Variants in VAV3 observed in about 807,000 individuals in gnomAD.
VAV3 encodes the protein vav guanine nucleotide exchange factor 3.
Under a neutral mutation model 131.2 loss-of-function variants are expected in VAV3, and 94 were observed. That is an observed-to-expected ratio of 0.72 (90% confidence interval 0.61 to 0.85). VAV3 has a LOEUF of 0.85. VAV3 is among the 40% of genes least tolerant of loss of function. VAV3 has a pLI of 0.00. For synonymous variants in VAV3, 349 were observed against 342.0 expected (o/e 1.02, Z -0.22); for missense variants, 939 against 1,002.7 (o/e 0.94, Z 0.86).
At chr1:107,947,842 T>C (rs1165459836) in intron 1 of VAV3, among the ~76,000 whole-genome samples, 1 of 152,198 alleles carries the variant, frequency 6.6e-6, no homozygotes, top group Non-Finnish European at 1.5e-5. Context: ...CAATGACCAT[T>C]CATGGGAGCA....
intron 17 of VAV3, among the ~76,000 whole-genome samples, chr1:107,703,244 G>T (rs1286197046): frequency 2.0e-5 from 3 of 152,012 alleles, no homozygotes; most frequent in Admixed American, 2.0e-4. Context: ...ATTCTATTGG[G>T]GTGGCAATTA....
rs72977603 is a variant in VAV3 at position 107,684,133 on chromosome 1, T to C, written c.1732-600A>G. ...ATGAATTCTTATTATAGAAAATGAA[T>C]CTGTAAGAAAACAACTTTGCATTAC... On this transcript the variant is annotated intron_variant, in intron 18 of 26. Transcript: ENST00000370056. Among the ~76,000 whole-genome samples, 611 of 152,288 alleles carry C rather than the reference T, an allele frequency of 4.0e-3. 8 individuals are homozygous for C. Among genetic ancestry groups the C allele is most frequent in the African/African-American group, 0.014 (574 of 41,572 alleles).
At chr1:107,683,614 T>C in intron 18 of VAV3, 81 bp from the exon 19 acceptor site, 1 of 1,377,704 alleles carries the variant, frequency 7.3e-7, no homozygotes, top group Non-Finnish European at 1.0e-6. Context: ...ACTGGCACTT[T>C]GGAAAGCAAA....
intron 2 of VAV3, among the ~76,000 whole-genome samples, chr1:107,846,023 G>GA (rs1398601071): frequency 1.3e-5 from 2 of 151,990 alleles, no homozygotes; most frequent in Non-Finnish European, 2.9e-5. Context: ...AGAAATGAAG[G>GA]AAAAAATGTT....
intron 9 of VAV3, among the ~76,000 whole-genome samples, chr1:107,761,766 G>T (rs952097089): frequency 3.3e-4 from 50 of 152,216 alleles, no homozygotes; most frequent in African/African-American, 8.4e-4. Context: ...ACTCCAATAT[G>T]ATTTGTGCTG....
intron 1 of VAV3, among the ~76,000 whole-genome samples, chr1:107,914,455 GA>G (rs1172328675): frequency 6.6e-6 from 1 of 152,186 alleles, no homozygotes; most frequent in Non-Finnish European, 1.5e-5. Flanking sequence ...TGAATTATTT[GA>G]GTCCTAATGC....
At chr1:107,684,118 A>T (rs116638157) in intron 18 of VAV3, among the ~76,000 whole-genome samples, 2,097 of 152,356 alleles carry the variant, frequency 0.014, 53 homozygotes, top group African/African-American at 0.048. Context: ...ATGAATTCTT[A>T]TTATAGAAAA....
chr1:107,827,648 T>C (rs1668073048), intron 2 of VAV3, among the ~76,000 whole-genome samples: 1 of 152,178 alleles, frequency 6.6e-6, no homozygotes, highest in African/African-American at 2.4e-5. Context: ...AGAAAGCTAT[T>C]ACCAACAAAT....
At chr1:107,732,433 G>A (rs1397020565) in intron 15 of VAV3, among the ~76,000 whole-genome samples, 1 of 152,130 alleles carries the variant, frequency 6.6e-6, no homozygotes, top group Non-Finnish European at 1.5e-5. Flanking sequence ...GAAGCTCAAG[G>A]GGTTGGGGGA....
At chr1:107,753,921 A>G (rs1663940240) in intron 12 of VAV3, among the ~76,000 whole-genome samples, 1 of 152,124 alleles carries the variant, frequency 6.6e-6, no homozygotes, top group Non-Finnish European at 1.5e-5. Context: ...GAAATATGCT[A>G]TGGAATTCTA....
At chr1:107,665,905 G>A (rs1367070426) in intron 19 of VAV3, among the ~76,000 whole-genome samples, 6 of 152,062 alleles carry the variant, frequency 3.9e-5, no homozygotes, top group Non-Finnish European at 7.4e-5. Flanking sequence ...AGAAACAAAC[G>A]GTGAAGGATA....
At chr1:107,788,733 G>A (rs764585653) in intron 2 of VAV3, among the ~76,000 whole-genome samples, 16 of 152,314 alleles carry the variant, frequency 1.1e-4, no homozygotes, top group African/African-American at 3.6e-4. Flanking sequence ...ATGCTGGTCT[G>A]TTAGAGTGTG....
At chr1:107,933,375 T>C (rs545498048) in intron 1 of VAV3, among the ~76,000 whole-genome samples, 15 of 152,090 alleles carry the variant, frequency 9.9e-5, no homozygotes, top group Non-Finnish European at 7.4e-5. Flanking sequence ...CTTAGACTCA[T>C]TGCTCTTGAA....
intron 2 of VAV3, among the ~76,000 whole-genome samples, chr1:107,788,413 C>T (rs372284227): frequency 1.3e-5 from 2 of 152,176 alleles, no homozygotes; most frequent in South Asian, 2.1e-4. Flanking sequence ...GCCTGCTGTG[C>T]TCCAGACAGA....
intron 10 of VAV3, among the ~76,000 whole-genome samples, chr1:107,757,843 C>T (rs1384799786): frequency 6.6e-6 from 1 of 152,144 alleles, no homozygotes; most frequent in Non-Finnish European, 1.5e-5. Context: ...CTTAAGTTTT[C>T]ACCCTAGTCC....
chr1:107,767,843 T>C (rs1033077682), intron 7 of VAV3, among the ~76,000 whole-genome samples: 4 of 152,212 alleles, frequency 2.6e-5, no homozygotes, highest in Non-Finnish European at 5.9e-5. Context: ...CCTTTTAAGA[T>C]TGTAAGATTC....
chr1:107,864,785 G>A (rs1020248757), intron 2 of VAV3, among the ~76,000 whole-genome samples: 1 of 152,118 alleles, frequency 6.6e-6, no homozygotes, highest in African/African-American at 2.4e-5. Context: ...CTTATCACTG[G>A]TTGTAATTAT....
intron 6 of VAV3, among the ~76,000 whole-genome samples, chr1:107,769,993 C>T (rs1664947854): frequency 6.6e-6 from 1 of 152,184 alleles, no homozygotes; most frequent in African/African-American, 2.4e-5. Flanking sequence ...AGACTTAAAT[C>T]ACATCATGTC....
At chr1:107,800,196 T>C (rs1292364793) in intron 2 of VAV3, among the ~76,000 whole-genome samples, 1 of 152,178 alleles carries the variant, frequency 6.6e-6, no homozygotes, top group African/African-American at 2.4e-5. Context: ...TTTCCACTAT[T>C]TTGGATATAT....
Sources: gnomAD v4.1 joint callset for allele counts (sites outside exome capture counted in the v4.1 genomes callset) on GRCh38, gnomAD v4.1.1 for gene constraint, MANE v1.5 for transcripts, NCBI Gene and HGNC (gene_info 2026-07-23, HGNC 2026-07-21) for gene names.